SLC25A13: variants seen among roughly 807,000 people sequenced by gnomAD.
SLC25A13 encodes solute carrier family 25 member 13, also known as electrogenic aspartate/glutamate antiporter SLC25A13, mitochondrial.
A neutral mutation model predicts 85.5 loss-of-function variants in SLC25A13; 70 were observed. That is an observed-to-expected ratio of 0.82 (90% CI 0.68 to 1.00). The LOEUF is 1.00. Among genes scored for constraint, SLC25A13 ranks in the 50% least tolerant of loss-of-function variants. SLC25A13 has a pLI of 0.00. For synonymous variants in SLC25A13, 259 were observed against 288.7 expected, an observed-to-expected ratio of 0.90 and a Z score of 1.04; for missense variants, 765 against 819.8, an observed-to-expected ratio of 0.93 and a Z score of 0.82.
At chr7:96,161,317 G>C (rs1289695161) in intron 13 of SLC25A13, among the ~76,000 whole-genome samples, 1 of 152,124 alleles carries the variant, frequency 6.6e-6, no homozygotes, top group African/African-American at 2.4e-5. Context: ...CCTAGCCATG[G>C]TTACAGCTAT....
intron 3 of SLC25A13, among the ~76,000 whole-genome samples, chr7:96,235,856 A>G (rs115109023): frequency 0.031 from 4,795 of 152,312 alleles, 187 homozygotes; most frequent in African/African-American, 0.091. Flanking sequence ...TAGGAAGAAC[A>G]TGAGAGGCCA....
chr7:96,281,831 T>G (rs1457663163), intron 2 of SLC25A13, among the ~76,000 whole-genome samples: 1 of 152,216 alleles, frequency 6.6e-6, no homozygotes, highest in Non-Finnish European at 1.5e-5. Flanking sequence ...CTCCAGTTTT[T>G]AAAACAAGCT....
At chr7:96,303,699 C>A (rs78779686) in intron 1 of SLC25A13, among the ~76,000 whole-genome samples, 6,212 of 152,176 alleles carry the variant, frequency 0.041, 183 homozygotes, top group Admixed American at 0.087. Flanking sequence ...CGCACCATTG[C>A]TGGAAGTGTC....
intron 14 of SLC25A13, among the ~76,000 whole-genome samples, chr7:96,134,870 G>T (rs1453583298): frequency 1.4e-5 from 2 of 146,870 alleles, no homozygotes; most frequent in Admixed American, 1.4e-4. Flanking sequence ...GAAATGGGTT[G>T]TATTTCGTTT....
At position 96,191,433 on chromosome 7, in the gene SLC25A13, A is replaced by C. The variant is rs372700726; in HGVS notation, c.616-186T>G. Among the ~76,000 whole-genome samples the C allele has an allele frequency of 2.4e-4, 36 of 152,340 alleles. No homozygotes were observed. In the East Asian group the frequency reaches 4.8e-3, roughly 20 times the overall value. ...ATGATTTTTAGAAGCAACTGCAACT[A>C]ATCATGACCAGAACTTGTACTCTCC... On this transcript the variant is annotated intron_variant, in intron 6 of 17. Transcript: ENST00000265631.
At chr7:96,216,769 G>C (rs917692754) in intron 4 of SLC25A13, among the ~76,000 whole-genome samples, 1 of 152,136 alleles carries the variant, frequency 6.6e-6, no homozygotes, top group Non-Finnish European at 1.5e-5. Flanking sequence ...GGAGGAGGGA[G>C]AGGATCAGGA....
intron 1 of SLC25A13, among the ~76,000 whole-genome samples, chr7:96,313,681 G>A (rs1800027243): frequency 6.6e-6 from 1 of 152,078 alleles, no homozygotes; most frequent in Admixed American, 6.5e-5. Context: ...CTGGGTGATG[G>A]GGTCAACTGT....
intron 14 of SLC25A13, among the ~76,000 whole-genome samples, chr7:96,144,418 G>A (rs76207115): frequency 1.3e-5 from 2 of 152,112 alleles, no homozygotes; most frequent in African/African-American, 4.8e-5. Flanking sequence ...CAAAATCAAG[G>A]TTCCAGAAGC....
intron 5 of SLC25A13, among the ~76,000 whole-genome samples, chr7:96,199,801 T>C (rs1233873529): frequency 6.6e-6 from 1 of 152,192 alleles, no homozygotes; most frequent in East Asian, 1.9e-4. Context: ...AATTGCTAGT[T>C]GTACAGAATA....
intron 1 of SLC25A13, chr7:96,309,443 A>T (rs942203739): frequency 6.6e-6 from 1 of 152,190 alleles, no homozygotes; most frequent in Non-Finnish European, 1.5e-5. Flanking sequence ...ACAACTCCTC[A>T]AGTATTTCCA....
chr7:96,237,953 A>C (rs1230372653), intron 3 of SLC25A13, among the ~76,000 whole-genome samples: 1 of 152,220 alleles, frequency 6.6e-6, no homozygotes, highest in African/African-American at 2.4e-5. Context: ...TACAGTGTCC[A>C]GCCAGAAGCC....
intron 3 of SLC25A13, among the ~76,000 whole-genome samples, chr7:96,237,220 T>C (rs1236881594): frequency 6.6e-6 from 1 of 152,220 alleles, no homozygotes; most frequent in Non-Finnish European, 1.5e-5. Context: ...ATAAACTTTC[T>C]TGCTGCAAAA....
At chr7:96,246,836 C>T (rs1050662362) in intron 3 of SLC25A13, among the ~76,000 whole-genome samples, 1 of 152,074 alleles carries the variant, frequency 6.6e-6, no homozygotes, top group African/African-American at 2.4e-5. Context: ...AGGCTTGAGC[C>T]AGAATATCAC....
chr7:96,302,406 A>T (rs1047584610), intron 1 of SLC25A13, among the ~76,000 whole-genome samples: 27 of 152,328 alleles, frequency 1.8e-4, no homozygotes, highest in African/African-American at 6.3e-4. Context: ...TTGCAGGCTC[A>T]TTACTTTAAC....
rs1245053710 is a variant in SLC25A13 at position 96,121,720 on chromosome 7, CTG to C, written c.1774_1775del (p.Gln592ValfsTer18). The C allele has an allele frequency of 1.2e-6, 2 of 1,614,022 alleles. No individual in the cohort carries two copies. The highest frequency in any genetic ancestry group is 1.7e-6 in the Non-Finnish European group (2 of 1,180,036). On this transcript the variant is annotated frameshift_variant, in exon 17 of 18. Coordinates refer to ENST00000265631, the MANE Select transcript of SLC25A13 (RefSeq NM_014251.3). LOFTEE classifies it high-confidence loss of function. ...AGARVFRSSPQFGVTLLTYEL... is the reference protein window; with the variant it reads ...AGARVFRSSPXFGVTLLTYEL... ...CGTAAGTCAGCAAAGTTACACCAAACTGGGGTGAGGATCGAAATACACGAGCT... is the reference window on the plus strand; with the variant it reads ...CGTAAGTCAGCAAAGTTACACCAAACGGGTGAGGATCGAAATACACGAGCT...
intron 1 of SLC25A13, among the ~76,000 whole-genome samples, chr7:96,298,827 G>A (rs142482581): frequency 3.8e-4 from 58 of 152,270 alleles, no homozygotes; most frequent in African/African-American, 1.3e-3. Context: ...AACCTAAGAT[G>A]AATGACTCTG....
chr7:96,190,984 C>A, intron 7 of SLC25A13, 125 bp downstream of exon 7: 1 of 1,177,274 alleles, frequency 8.5e-7, no homozygotes, highest in Non-Finnish European at 1.3e-6. Flanking sequence ...GAAAAACACA[C>A]GTTATCATAT....
intron 3 of SLC25A13, among the ~76,000 whole-genome samples, chr7:96,248,805 G>A (rs1032999222): frequency 3.3e-5 from 5 of 152,128 alleles, no homozygotes; most frequent in African/African-American, 1.2e-4. Flanking sequence ...AAATCTTTAA[G>A]CAAAATATTT....
chr7:96,271,289 C>T (rs1798229867), intron 3 of SLC25A13, among the ~76,000 whole-genome samples: 1 of 152,114 alleles, frequency 6.6e-6, no homozygotes, highest in Non-Finnish European at 1.5e-5. Flanking sequence ...GATTATTACA[C>T]ATTATATACA....
Sources: gnomAD v4.1 joint callset for allele counts (sites outside exome capture counted in the v4.1 genomes callset) on GRCh38, gnomAD v4.1.1 for gene constraint, MANE v1.5 for transcripts, NCBI Gene and HGNC (gene_info 2026-07-23, HGNC 2026-07-21) for gene names.